Variants in SRPK2 observed in about 807,000 individuals in gnomAD.
SRPK2 encodes SFRS protein kinase 2.
SRPK2 carries 21 observed loss-of-function variants against 90.8 expected under a neutral mutation model. That is an observed-to-expected ratio of 0.23 (90% CI 0.16 to 0.33). The LOEUF (loss-of-function observed/expected upper bound fraction) is 0.33. Ranked by LOEUF, SRPK2 falls within the 10% of genes least tolerant of loss-of-function variation. The pLI is 1.00. For synonymous variants in SRPK2, 288 were observed against 311.1 expected (o/e 0.93, Z 0.78); for missense variants, 620 against 869.0 (o/e 0.71, Z 3.60).
rs1007362959 is a variant in SRPK2, at chr7:105,203,242, G to A, written c.229+386C>T. 4.6e-4 allele frequency among the ~76,000 whole-genome samples: 70 copies of A among 152,122 alleles called. 3 individuals carry two copies. The highest frequency in any genetic ancestry group is 1.9e-4 in the East Asian group (1 of 5,170). On this transcript the variant is annotated intron_variant, in intron 3 of 15. Transcript: ENST00000393651. Reference sequence around the variant, plus strand: ...TGAACTCAAGCGATCTGCCCACCTCGACCTCCTAAAGTGCTGGGATTACAG... The same window carrying A: ...TGAACTCAAGCGATCTGCCCACCTCAACCTCCTAAAGTGCTGGGATTACAG...
intron 2 of SRPK2, among the ~76,000 whole-genome samples, chr7:105,388,100 A>T (rs1314084191): frequency 2.6e-5 from 4 of 152,124 alleles, no homozygotes; most frequent in Admixed American, 2.0e-4. Context: ...CCCGAGGCAA[A>T]CCACTTGACA....
At chr7:105,231,223 T>C (rs929137012) in intron 2 of SRPK2, among the ~76,000 whole-genome samples, 1 of 152,220 alleles carries the variant, frequency 6.6e-6, no homozygotes, top group Non-Finnish European at 1.5e-5. Flanking sequence ...CTAAGGGTAA[T>C]AGCCTCCAGG....
At chr7:105,267,279 C>G (rs946608500) in intron 2 of SRPK2, among the ~76,000 whole-genome samples, 8 of 152,174 alleles carry the variant, frequency 5.3e-5, no homozygotes, top group Admixed American at 5.2e-4. Context: ...CTCTGTCCAA[C>G]CCTCAATTTA....
At chr7:105,389,331 TCTTCTCTC>T, upstream of SRPK2, 1 of 1,279,664 alleles carries the variant, frequency 7.8e-7, no homozygotes, top group South Asian at 1.2e-5. Context: ...TCCCGCGGCC[TCTTCTCTC>T]CCTTTGCTCC....
intron 2 of SRPK2, among the ~76,000 whole-genome samples, chr7:105,341,133 A>G (rs923727605): frequency 6.6e-6 from 1 of 152,166 alleles, no homozygotes; most frequent in Non-Finnish European, 1.5e-5. Flanking sequence ...TGGGAGGCCA[A>G]GGCAGGCAGA....
At chr7:105,297,479 T>C in intron 2 of SRPK2, 2 of 985,444 alleles carry the variant, frequency 2.0e-6, no homozygotes, top group Non-Finnish European at 2.4e-6. Flanking sequence ...ATGGTGGCCA[T>C]CTGGCCCCTC....
At chr7:105,253,143 A>G (rs1269023951) in intron 2 of SRPK2, among the ~76,000 whole-genome samples, 1 of 152,234 alleles carries the variant, frequency 6.6e-6, no homozygotes, top group African/African-American at 2.4e-5. Context: ...ACCTGTCTTT[A>G]GAAAGAAGCA....
upstream of SRPK2, chr7:105,389,219 C>T (rs947903792): frequency 4.9e-5 from 59 of 1,200,430 alleles, 1 homozygote; most frequent in Non-Finnish European, 5.7e-5. Context: ...CCCTCCCTCC[C>T]CGCCGCGGCC....
At chr7:105,299,175 G>A (rs1185550032) in intron 2 of SRPK2, among the ~76,000 whole-genome samples, 1 of 152,222 alleles carries the variant, frequency 6.6e-6, no homozygotes, top group East Asian at 1.9e-4. Flanking sequence ...GGCCTGCATG[G>A]AGGTGGGGCC....
At chr7:105,164,875 G>C (rs773256511) in intron 6 of SRPK2, among the ~76,000 whole-genome samples, 3 of 152,066 alleles carry the variant, frequency 2.0e-5, no homozygotes, top group Non-Finnish European at 4.4e-5. Flanking sequence ...ATGATATAAA[G>C]AGCAAAAAAT....
At chr7:105,173,542 T>A (rs1322874228) in intron 3 of SRPK2, among the ~76,000 whole-genome samples, 1 of 152,058 alleles carries the variant, frequency 6.6e-6, no homozygotes, top group East Asian at 1.9e-4. Context: ...ACCCAGGGAA[T>A]CTGAAAAAAT....
upstream of SRPK2, among the ~76,000 whole-genome samples, chr7:105,390,992 A>G (rs889710771): frequency 6.6e-6 from 1 of 152,124 alleles, no homozygotes; most frequent in Admixed American, 6.5e-5. Context: ...TCCAAGATAC[A>G]GGTACCTTTT....
chr7:105,189,065 C>G (rs1793942111), intron 3 of SRPK2: 1 of 152,756 alleles, frequency 6.5e-6, no homozygotes, highest in Non-Finnish European at 1.5e-5. Context: ...CCAGCCCTTT[C>G]CTCAGCTGCT....
chr7:105,389,034 C>A (rs997562855), upstream of SRPK2: 30 of 971,910 alleles, frequency 3.1e-5, no homozygotes, highest in African/African-American at 5.2e-4. Context: ...ACCCCAGCGC[C>A]GCGCGCCCAG....
chr7:105,233,142 A>AAG (rs1563120450), intron 2 of SRPK2, among the ~76,000 whole-genome samples: 23 of 142,348 alleles, frequency 1.6e-4, no homozygotes, highest in African/African-American at 5.7e-4. Flanking sequence ...GAAGGAAGGA[A>AAG]GGAAGGAAGG....
chr7:105,244,720 G>T, intron 2 of SRPK2: 2 of 1,170,092 alleles, frequency 1.7e-6, no homozygotes, highest in Non-Finnish European at 2.5e-6. Flanking sequence ...ACGTGAGCGA[G>T]CCCAGGCACA....
At chr7:105,122,434 G>A (rs527387166) in intron 15 of SRPK2, among the ~76,000 whole-genome samples, 2 of 152,234 alleles carry the variant, frequency 1.3e-5, no homozygotes, top group African/African-American at 2.4e-5. Flanking sequence ...AAAACCAAAC[G>A]CCCATCATCT....
chr7:105,252,345 A>G (rs373184785), intron 2 of SRPK2, among the ~76,000 whole-genome samples: 53 of 152,336 alleles, frequency 3.5e-4, no homozygotes, highest in African/African-American at 1.1e-3. Context: ...CTTAGGAAAC[A>G]AAGGGCAAAA....
chr7:105,294,941 T>C (rs1238879879), intron 2 of SRPK2, among the ~76,000 whole-genome samples: 1 of 152,164 alleles, frequency 6.6e-6, no homozygotes, highest in Admixed American at 6.6e-5. Flanking sequence ...CCGGGAGTGG[T>C]GGCTCACACT....
Sources: gnomAD v4.1 joint callset for allele counts (sites outside exome capture counted in the v4.1 genomes callset) on GRCh38, gnomAD v4.1.1 for gene constraint, MANE v1.5 for transcripts, NCBI Gene and HGNC (gene_info 2026-07-23, HGNC 2026-07-21) for gene names.